The following ITPR1 variants were observed in gnomAD, a reference collection of about 807,000 sequenced individuals.
The protein encoded by ITPR1 is inositol 1,4,5-trisphosphate receptor type 1, also known as inositol 1,4,5-trisphosphate-gated calcium channel ITPR1.
In ITPR1, 96 loss-of-function variants were observed where a neutral mutation model predicts 318.4. That is an observed-to-expected ratio of 0.30 (90% CI 0.26 to 0.36). The LOEUF is 0.36. Ranked by LOEUF, ITPR1 falls within the 10% of genes least tolerant of loss-of-function variation. ITPR1 has a pLI of 1.00. For missense variants in ITPR1, 2,440 were observed against 3,460.2 expected (o/e 0.71, Z 7.40); for synonymous variants, 1,312 against 1,289.9 (o/e 1.02, Z -0.37).
At chr3:4,560,370 A>C (rs1388649033) in intron 4 of ITPR1, among the ~76,000 whole-genome samples, 7 of 152,172 alleles carry the variant, frequency 4.6e-5, no homozygotes, top group Admixed American at 2.0e-4. Context: ...AATTGTAATA[A>C]AATTTTATTG....
chr3:4,626,229 G>A lies in ITPR1; in HGVS notation c.164-1534G>A, dbSNP rs114347424. The stretch of plus-strand genomic sequence containing the variant: ...GTGTGTATTTTTAAAAGTTACAAAC[G>A]TGTATTATTGTAGTAACACATTGTA... On this transcript the variant is annotated intron_variant, in intron 4 of 61. Transcript: ENST00000649015. 4.0e-3 allele frequency among the ~76,000 whole-genome samples: 604 copies of A among 151,908 alleles called. 4 individuals carry two copies. The highest frequency in any genetic ancestry group is 0.014 in the African/African-American group (570 of 41,380).
At chr3:4,533,485 G>C (rs988646492) in intron 4 of ITPR1, among the ~76,000 whole-genome samples, 3 of 152,296 alleles carry the variant, frequency 2.0e-5, no homozygotes, top group East Asian at 1.9e-4. Context: ...AGGATGATTT[G>C]GTGCATGTGT....
At chr3:4,787,055 C>G (rs2047239593) in intron 51 of ITPR1, among the ~76,000 whole-genome samples, 1 of 152,086 alleles carries the variant, frequency 6.6e-6, no homozygotes, top group Non-Finnish European at 1.5e-5. Context: ...ATTAAATATT[C>G]TGCCTCTCAG....
chr3:4,545,767 G>C (rs1452924920), intron 4 of ITPR1, among the ~76,000 whole-genome samples: 3 of 148,248 alleles, frequency 2.0e-5, no homozygotes, highest in African/African-American at 7.5e-5. Context: ...GCGTGATCCA[G>C]GCTTACTGTA....
intron 10 of ITPR1, among the ~76,000 whole-genome samples, chr3:4,650,279 C>T (rs1183979110): frequency 6.6e-6 from 1 of 152,114 alleles, no homozygotes; most frequent in Non-Finnish European, 1.5e-5. Context: ...TATTTTTGAC[C>T]TTCTGAGGAA....
In ITPR1 at chr3:4,660,411, T is replaced by G. The variant is rs565238119; in HGVS notation, c.1152-577T>G. Among the ~76,000 whole-genome samples, 18 of 152,056 alleles carry G rather than the reference T, an allele frequency of 1.2e-4. 1 individual carries two copies. In the South Asian group the frequency reaches 3.7e-3, roughly 32 times the overall value. On this transcript the variant is annotated intron_variant, in intron 13 of 61. Transcript: ENST00000649015. ...TTTCCCAGGCTATGGTGATTTTTTT[T>G]CAACTTTGTTTATGATGGTTCTTTT...
intron 4 of ITPR1, among the ~76,000 whole-genome samples, chr3:4,562,287 A>G (rs922358200): frequency 3.9e-5 from 6 of 152,166 alleles, no homozygotes; most frequent in African/African-American, 1.4e-4. Flanking sequence ...TATTTTTTCT[A>G]AGAAAAATTA....
At chr3:4,653,728 A>G in intron 11 of ITPR1, 114 bp from the exon 12 acceptor site, 1 of 690,736 alleles carries the variant, frequency 1.4e-6, no homozygotes, top group Admixed American at 2.3e-5. Flanking sequence ...GAGGGAATGG[A>G]CAAGTTCTTA....
chr3:4,507,554 G>A (rs77445517), intron 2 of ITPR1, among the ~76,000 whole-genome samples: 9 of 152,148 alleles, frequency 5.9e-5, no homozygotes, highest in Non-Finnish European at 1.3e-4. Context: ...GCAAAGAAAC[G>A]CTGAGAATGT....
chr3:4,628,215 G>A (rs556269327), intron 5 of ITPR1, among the ~76,000 whole-genome samples: 25 of 152,302 alleles, frequency 1.6e-4, no homozygotes, highest in African/African-American at 5.8e-4. Flanking sequence ...GGCACGTTAT[G>A]TGCTGTTTTC....
intron 44 of ITPR1, among the ~76,000 whole-genome samples, chr3:4,759,076 C>T (rs924837534): frequency 3.3e-5 from 5 of 152,186 alleles, no homozygotes; most frequent in Non-Finnish European, 5.9e-5. Context: ...GACTGGTGTC[C>T]AACTTGCATC....
intron 49 of ITPR1, among the ~76,000 whole-genome samples, chr3:4,781,268 C>T (rs1319704699): frequency 6.6e-6 from 1 of 152,134 alleles, no homozygotes. Flanking sequence ...ATGGGGGAGG[C>T]AGAAATGCCC....
chr3:4,640,637 G>A (rs992025126), intron 6 of ITPR1, among the ~76,000 whole-genome samples: 2 of 152,176 alleles, frequency 1.3e-5, no homozygotes, highest in Non-Finnish European at 2.9e-5. Flanking sequence ...ATGCATTCCG[G>A]TTTAGGTTTT....
chr3:4,612,171 C>T (rs986336828), intron 4 of ITPR1, among the ~76,000 whole-genome samples: 2 of 144,838 alleles, frequency 1.4e-5, no homozygotes, highest in East Asian at 4.4e-4. Context: ...AAGCAATTCT[C>T]CTGCCTCAGC....
At chr3:4,623,616 AG>A (rs1331875433) in intron 4 of ITPR1, among the ~76,000 whole-genome samples, 1 of 152,206 alleles carries the variant, frequency 6.6e-6, no homozygotes, top group African/African-American at 2.4e-5. Flanking sequence ...GCAGAGTGTT[AG>A]GGCCCAGTGC....
intron 4 of ITPR1, among the ~76,000 whole-genome samples, chr3:4,544,082 C>G (rs1046155255): frequency 6.6e-6 from 1 of 152,282 alleles, no homozygotes; most frequent in South Asian, 2.1e-4. Flanking sequence ...TATCTTCATG[C>G]TCCTAGCAGT....
chr3:4,732,733 G>A (rs1227080760), intron 42 of ITPR1, among the ~76,000 whole-genome samples: 2 of 152,144 alleles, frequency 1.3e-5, no homozygotes, highest in Non-Finnish European at 1.5e-5. Context: ...ATATTGCTAT[G>A]TGGAAGCTGA....
intron 4 of ITPR1, among the ~76,000 whole-genome samples, chr3:4,531,517 G>T (rs1277242742): frequency 1.3e-5 from 2 of 152,102 alleles, no homozygotes; most frequent in Non-Finnish European, 2.9e-5. Flanking sequence ...ACCTCATAGT[G>T]GTTCCCCAGT....
chr3:4,529,168 A>C (rs2124946121), intron 4 of ITPR1, among the ~76,000 whole-genome samples: 1 of 152,314 alleles, frequency 6.6e-6, no homozygotes, highest in East Asian at 1.9e-4. Flanking sequence ...TCTTTTTTGC[A>C]TACCTGAGTC....
Sources: allele counts gnomAD v4.1 joint callset (sites outside exome capture counted in the v4.1 genomes callset), GRCh38; gene constraint gnomAD v4.1.1; transcripts MANE v1.5; gene names NCBI Gene and HGNC (gene_info 2026-07-23, HGNC 2026-07-21).